SAMMSON: variants seen among roughly 807,000 people sequenced by gnomAD.
SAMMSON encodes the protein survival associated mitochondrial melanoma specific oncogenic non-coding RNA.
intron 9 of SAMMSON, among the ~76,000 whole-genome samples, chr3:70,367,572 C>T (rs1030287761): frequency 6.6e-6 from 1 of 151,506 alleles, no homozygotes; most frequent in Non-Finnish European, 1.5e-5. Context: ...TTTTTTATGG[C>T]TGAATTATAT....
chr3:70,128,669 G>A (rs1020798550), intron 4 of SAMMSON, among the ~76,000 whole-genome samples: 1 of 151,988 alleles, frequency 6.6e-6, no homozygotes, highest in Admixed American at 6.6e-5. Context: ...TTCATCTTTC[G>A]ATTGTCTGAC....
At chr3:70,260,202 C>T (rs2106660706) in intron 6 of SAMMSON, among the ~76,000 whole-genome samples, 1 of 152,200 alleles carries the variant, frequency 6.6e-6, no homozygotes, top group Non-Finnish European at 1.5e-5. Context: ...TAGTGGTTTG[C>T]CAGCAATCAC....
intron 6 of SAMMSON, among the ~76,000 whole-genome samples, chr3:70,267,882 T>A (rs1343717534): frequency 6.6e-6 from 1 of 152,146 alleles, no homozygotes; most frequent in Non-Finnish European, 1.5e-5. Flanking sequence ...TTTTGAAAAG[T>A]AGACTTGAAA....
chr3:70,393,795 AG>A (rs1208846221), downstream of SAMMSON, among the ~76,000 whole-genome samples: 1 of 152,082 alleles, frequency 6.6e-6, no homozygotes, highest in African/African-American at 2.4e-5. Context: ...AGGCAGAGGT[AG>A]GGGCGGAGCT....
intron 2 of SAMMSON, among the ~76,000 whole-genome samples, chr3:70,404,318 A>G (rs953439995): frequency 6.6e-6 from 1 of 152,160 alleles, no homozygotes; most frequent in African/African-American, 2.4e-5. Context: ...TTGGAGACCA[A>G]GGAATGTTGT....
chr3:70,052,034 G>A (rs2067148345), intron 3 of SAMMSON, among the ~76,000 whole-genome samples: 2 of 152,050 alleles, frequency 1.3e-5, no homozygotes, highest in African/African-American at 4.8e-5. Flanking sequence ...AGAGTTTGAG[G>A]CTGCAGTGAG....
At chr3:70,247,098 C>T (rs1255647607) in intron 4 of SAMMSON, among the ~76,000 whole-genome samples, 2 of 151,856 alleles carry the variant, frequency 1.3e-5, no homozygotes, top group Non-Finnish European at 2.9e-5. Context: ...GTACCAAGCG[C>T]ATGGTAGAAG....
chr3:70,432,916 A>G (rs1352803571), intron 2 of SAMMSON, among the ~76,000 whole-genome samples: 1 of 152,148 alleles, frequency 6.6e-6, no homozygotes, highest in African/African-American at 2.4e-5. Flanking sequence ...ATCATACAGT[A>G]TGTAGTTTTT....
In SAMMSON at chr3:70,418,999, C is replaced by CTCTCTTTCTT. The variant is rs1553664169; in HGVS notation, n.234-43558_234-43557insCTTTCTTTCT. On this transcript the variant is annotated intron_variant and non_coding_transcript_variant, in intron 2 of 3. Transcript: ENST00000641053. ...CTTCCTTCTCTCTCTCTCTCTCTCT[C>CTCTCTTTCTT]TCTTTCTTTCTTTCTTTCCTTCTTT... 9.2e-4 allele frequency among the ~76,000 whole-genome samples: 110 copies of CTCTCTTTCTT among 119,320 alleles called. 2 individuals are homozygous for CTCTCTTTCTT. Among genetic ancestry groups the CTCTCTTTCTT allele is most frequent in the South Asian group, 1.5e-3 (5 of 3,438 alleles). The allele number at this position is 119,320 out of a possible 152,430, so 78.3% of individuals were successfully genotyped here.
At chr3:70,425,544 T>A (rs970509531) in intron 2 of SAMMSON, among the ~76,000 whole-genome samples, 1 of 151,688 alleles carries the variant, frequency 6.6e-6, no homozygotes, top group South Asian at 2.1e-4. Context: ...CCCTAGTAGC[T>A]GGGACTACAG....
At chr3:70,060,986 G>A (rs955177023) in intron 3 of SAMMSON, among the ~76,000 whole-genome samples, 1 of 152,070 alleles carries the variant, frequency 6.6e-6, no homozygotes, top group Non-Finnish European at 1.5e-5. Context: ...ATTTTAGATT[G>A]GAAGTCGTGA....
At chr3:70,254,455 C>T (rs764792413) in intron 6 of SAMMSON, among the ~76,000 whole-genome samples, 4 of 152,048 alleles carry the variant, frequency 2.6e-5, no homozygotes, top group African/African-American at 4.8e-5. Flanking sequence ...ACACAAAGGG[C>T]GTAAAAGAAA....
chr3:70,256,468 T>C (rs1243864120), intron 6 of SAMMSON, among the ~76,000 whole-genome samples: 1 of 152,224 alleles, frequency 6.6e-6, no homozygotes, highest in South Asian at 2.1e-4. Flanking sequence ...GTATATTAAC[T>C]CTTTGAGGGT....
At chr3:70,228,141 T>C (rs1701526261) in intron 4 of SAMMSON, among the ~76,000 whole-genome samples, 1 of 152,010 alleles carries the variant, frequency 6.6e-6, no homozygotes, top group South Asian at 2.1e-4. Context: ...AAGAAGGTGG[T>C]AAGAGTTGTC....
intron 6 of SAMMSON, among the ~76,000 whole-genome samples, chr3:70,281,937 C>G (rs563730676): frequency 1.9e-4 from 29 of 152,278 alleles, no homozygotes; most frequent in Middle Eastern, 3.4e-3. Context: ...TTTGATTGTA[C>G]AGTAACACCC....
intron 4 of SAMMSON, among the ~76,000 whole-genome samples, chr3:70,138,464 G>A (rs2067515018): frequency 6.7e-6 from 1 of 149,182 alleles, no homozygotes; most frequent in Admixed American, 6.7e-5. Context: ...GGCTTTTTTT[G>A]TAATCCCATT....
At chr3:70,092,141 C>T (rs561907717) in intron 4 of SAMMSON, among the ~76,000 whole-genome samples, 1 of 152,174 alleles carries the variant, frequency 6.6e-6, no homozygotes, top group East Asian at 1.9e-4. Context: ...CTCAATTTGC[C>T]TGTATGCGAA....
intron 7 of SAMMSON, among the ~76,000 whole-genome samples, chr3:70,316,613 A>G (rs960131164): frequency 1.3e-5 from 2 of 152,112 alleles, no homozygotes; most frequent in Non-Finnish European, 1.5e-5. Context: ...TTCTTTTTGG[A>G]ACTTTTCGGC....
chr3:70,235,926 C>T (rs1271659163), intron 4 of SAMMSON, among the ~76,000 whole-genome samples: 1 of 152,186 alleles, frequency 6.6e-6, no homozygotes, highest in Non-Finnish European at 1.5e-5. Flanking sequence ...TTCCTATGGG[C>T]AGTCACCACG....
Sources: allele counts gnomAD v4.1 joint callset (sites outside exome capture counted in the v4.1 genomes callset), GRCh38; gene constraint gnomAD v4.1.1; transcripts MANE v1.5; gene names NCBI Gene and HGNC (gene_info 2026-07-23, HGNC 2026-07-21).